The following SLC9A8 variants were observed in gnomAD, a reference collection of about 807,000 sequenced individuals.
SLC9A8 encodes the protein sodium/hydrogen exchanger 8.
SLC9A8 carries 48 observed loss-of-function variants against 66.6 expected under a neutral mutation model. The ratio of observed to expected loss-of-function variants is 0.72; its 90% CI spans 0.57 to 0.92. The LOEUF (loss-of-function observed/expected upper bound fraction) is 0.92, where lower values mean the gene tolerates loss of function less well. Ranked by LOEUF, SLC9A8 falls within the 40% of genes least tolerant of loss-of-function variation. The probability of loss-of-function intolerance (pLI) is 0.00; values close to 1 mark genes in which losing one functional copy is unlikely to be tolerated. For synonymous variants in SLC9A8, 274 were observed against 282.6 expected (o/e 0.97, Z 0.31); for missense variants, 599 against 747.3 (o/e 0.80, Z 2.31).
At position 49,884,338 on chromosome 20, in the gene SLC9A8, C is replaced by CACACACACACACACACA. The variant is rs1600823664; in HGVS notation, c.1491+272_1491+273insACACACACACACACACA. ...CACACACACACACACACACACACACCCCCCGGTCATCCCCCCTGAGAAGGA... is the reference window on the plus strand; with the variant it reads ...CACACACACACACACACACACACACCACACACACACACACACACCCCGGTCATCCCCCCTGAGAAGGA... On this transcript the variant is annotated intron_variant, in intron 14 of 15. Transcript: ENST00000361573. Among the ~76,000 whole-genome samples the CACACACACACACACACA allele has an allele frequency of 6.7e-3, 299 of 44,574 alleles. 101 individuals are homozygous for CACACACACACACACACA. Among genetic ancestry groups the CACACACACACACACACA allele is most frequent in the African/African-American group, 0.014 (149 of 10,798 alleles). The allele number at this position is 44,574 out of a possible 152,430, so 29.2% of individuals were successfully genotyped here.
At chr20:49,826,096 C>G (rs548622049) in intron 3 of SLC9A8, among the ~76,000 whole-genome samples, 3 of 152,296 alleles carry the variant, frequency 2.0e-5, no homozygotes, top group African/African-American at 7.2e-5. Flanking sequence ...GATGGAAAGG[C>G]AGTCTTGCTT....
At chr20:49,830,167 C>CT (rs2087114492) in intron 3 of SLC9A8, 1 of 760,982 alleles carries the variant, frequency 1.3e-6, no homozygotes, top group Non-Finnish European at 2.5e-6. Flanking sequence ...GAAGAGGAAA[C>CT]TGGTTCCACC....
chr20:49,823,544 T>C (rs897044032), intron 3 of SLC9A8, among the ~76,000 whole-genome samples: 5 of 152,132 alleles, frequency 3.3e-5, no homozygotes, highest in African/African-American at 1.2e-4. Context: ...GACTTTACAG[T>C]TTAGGAGGAA....
In SLC9A8 at chr20:49,874,775, C is replaced by T; in HGVS notation, c.1029C>T (p.Thr343=). The T allele has an allele frequency of 6.2e-7, 1 of 1,614,068 alleles. No homozygotes were observed. The highest frequency in any genetic ancestry group is 8.5e-7 in the Non-Finnish European group (1 of 1,179,914). The change falls in exon 11 of 16, where the codon ACC becomes ACT. Residue 343 remains threonine (T), a synonymous_variant. Transcript: ENST00000361573. The part of the protein sequence containing the change: ...HYTHHNLSPV[T]QILMQQTLRT... ...CGCACCATAACCTCTCCCCAGTCACCCAGATCCTCATGCAGCAGACCCTCC... is the reference window on the plus strand; with the variant it reads ...CGCACCATAACCTCTCCCCAGTCACTCAGATCCTCATGCAGCAGACCCTCC...
At chr20:49,860,361 C>T (rs989239648) in intron 8 of SLC9A8, among the ~76,000 whole-genome samples, 2 of 152,142 alleles carry the variant, frequency 1.3e-5, no homozygotes, top group Non-Finnish European at 2.9e-5. Context: ...TGAATTTCCT[C>T]GAAAGGCTTT....
chr20:49,836,974 A>G (rs76914010), intron 3 of SLC9A8, among the ~76,000 whole-genome samples: 9 of 152,144 alleles, frequency 5.9e-5, no homozygotes, highest in Admixed American at 6.5e-5. Context: ...TTCTAAAAAG[A>G]TAGCTACTAA....
At chr20:49,857,591 G>A (rs1186942188) in intron 8 of SLC9A8, among the ~76,000 whole-genome samples, 3 of 152,154 alleles carry the variant, frequency 2.0e-5, no homozygotes, top group African/African-American at 4.8e-5. Flanking sequence ...GGTGGCGCAC[G>A]CCTGTAATCC....
chr20:49,853,801 G>A (rs1338387429), intron 7 of SLC9A8, among the ~76,000 whole-genome samples: 4 of 152,324 alleles, frequency 2.6e-5, no homozygotes, highest in Middle Eastern at 3.4e-3. Flanking sequence ...CGAAGTCTGG[G>A]AACTGAATCC....
rs1426363636 is a variant in SLC9A8 at position 49,831,049 on chromosome 20, C to A, written c.289+7908C>A. On this transcript the variant is annotated intron_variant, in intron 3 of 15. Transcript: ENST00000361573. ...GAGCCAAGGCACTGGACCAGTCCAA[C>A]AATATGTCCGCTGTGTCCTGAGCCT... is the stretch of plus-strand genomic sequence containing the variant. 22 of 721,708 alleles carry A rather than the reference C, an allele frequency of 3.0e-5. No individual in the cohort carries two copies. In the East Asian group the frequency reaches 5.7e-4, roughly 19 times the overall value. The allele number at this position is 721,708 out of a possible 1,614,324, so 44.7% of individuals were successfully genotyped here.
At chr20:49,830,818 C>T in intron 3 of SLC9A8, 1 of 1,368,130 alleles carries the variant, frequency 7.3e-7, no homozygotes. Flanking sequence ...ACAGATCAGG[C>T]CCAGCAGACA....
At chr20:49,847,606 ATAT>A (rs2088054586) in intron 5 of SLC9A8, among the ~76,000 whole-genome samples, 1 of 152,082 alleles carries the variant, frequency 6.6e-6, no homozygotes, top group African/African-American at 2.4e-5. Flanking sequence ...TTTTATTTTA[ATAT>A]TATGATATCT....
chr20:49,876,753 C>T (rs2089442253), intron 11 of SLC9A8, among the ~76,000 whole-genome samples: 1 of 152,062 alleles, frequency 6.6e-6, no homozygotes, highest in African/African-American at 2.4e-5. Flanking sequence ...AAATGGATAC[C>T]GTGATGTATC....
At chr20:49,829,669 T>C in intron 3 of SLC9A8, 6 of 473,626 alleles carry the variant, frequency 1.3e-5, no homozygotes, top group Non-Finnish European at 2.5e-5. Flanking sequence ...GGTAAACTAT[T>C]CCAGCAAGCG....
rs141231177 is a variant in SLC9A8, at chr20:49,872,222, G to T, written c.959-2483G>T. Among the ~76,000 whole-genome samples the T allele has an allele frequency of 1.6e-4, 25 of 152,310 alleles. No individual in the cohort carries two copies. The East Asian group carries it at 3.1e-3, about 19-fold the overall frequency. ...CATTTTCCTTCGCCCACCATGTCAG[G>T]TGTGTCTTACAGGAAGCATGGCTGG... On this transcript the variant is annotated intron_variant, in intron 10 of 15. Coordinates refer to ENST00000361573, the MANE Select transcript of SLC9A8 (RefSeq NM_015266.3).
intron 12 of SLC9A8, 117 bp downstream of exon 12, chr20:49,878,180 C>A: frequency 3.8e-6 from 2 of 530,068 alleles, no homozygotes; most frequent in South Asian, 7.4e-5. Flanking sequence ...TACATAGACA[C>A]TCTTTTGTTT....
chr20:49,863,554 T>TA (rs139573872), intron 9 of SLC9A8, among the ~76,000 whole-genome samples: 2,824 of 152,308 alleles, frequency 0.019, 80 homozygotes, highest in African/African-American at 0.062. Context: ...ACCTCATCTC[T>TA]AAAAAATACA....
At position 49,850,613 on chromosome 20, in the gene SLC9A8, T is replaced by C. The variant is rs1170585833; in HGVS notation, c.535-197T>C. 1.6e-5 allele frequency: 9 copies of C among 580,016 alleles called. No individual in the cohort carries two copies. The East Asian group carries it at 2.6e-4, about 17-fold the overall frequency. The allele number at this position is 580,016 out of a possible 1,614,324, so 35.9% of individuals were successfully genotyped here. ...GGGCTTGAAGAATGTAGCATTCTTT[T>C]CCATACTCTCGTTGCATGCCGATGG... On this transcript the variant is annotated intron_variant, in intron 6 of 15. Coordinates refer to ENST00000361573, the MANE Select transcript of SLC9A8 (RefSeq NM_015266.3).
intron 10 of SLC9A8, among the ~76,000 whole-genome samples, chr20:49,872,387 T>C (rs2089247042): frequency 6.6e-6 from 1 of 152,082 alleles, no homozygotes; most frequent in South Asian, 2.1e-4. Flanking sequence ...TTTCCTATAT[T>C]TTGTAGGGTA....
chr20:49,865,866 G>T (rs2088943201), intron 10 of SLC9A8, among the ~76,000 whole-genome samples: 1 of 152,256 alleles, frequency 6.6e-6, no homozygotes, highest in Non-Finnish European at 1.5e-5. Context: ...TTTGAGTGAA[G>T]GCCCTTCAGA....
Sources: allele counts gnomAD v4.1 joint callset (sites outside exome capture counted in the v4.1 genomes callset), GRCh38; gene constraint gnomAD v4.1.1; transcripts MANE v1.5; gene names NCBI Gene and HGNC (gene_info 2026-07-23, HGNC 2026-07-21).